ADAMTS9: variants seen among roughly 807,000 people sequenced by gnomAD.
The protein encoded by ADAMTS9 is ADAM metallopeptidase with thrombospondin type 1 motif 9, also known as A disintegrin and metalloproteinase with thrombospondin motifs 9.
In ADAMTS9, 107 loss-of-function variants were observed where a neutral mutation model predicts 257.1. The observed-to-expected ratio is 0.42, with a 90% confidence interval of 0.36 to 0.49. The LOEUF (loss-of-function observed/expected upper bound fraction) is 0.49. ADAMTS9 is among the 20% of genes least tolerant of loss of function. The pLI, the probability that ADAMTS9 is intolerant of heterozygous loss-of-function variation, is 0.03. For missense variants in ADAMTS9, 2,353 were observed against 2,469.1 expected (o/e 0.95, Z 1.00); for synonymous variants, 982 against 880.9 (o/e 1.11, Z -2.03).
At chr3:64,597,249 AT>A (rs2084383998) in intron 26 of ADAMTS9, among the ~76,000 whole-genome samples, 1 of 152,112 alleles carries the variant, frequency 6.6e-6, no homozygotes, top group African/African-American at 2.4e-5. Flanking sequence ...GGTTCCATAA[AT>A]GCCTAATGTG....
chr3:64,594,714 T>A (rs2084330232), intron 27 of ADAMTS9, among the ~76,000 whole-genome samples: 1 of 152,226 alleles, frequency 6.6e-6, no homozygotes, highest in Admixed American at 6.5e-5. Flanking sequence ...TTGCCCCATC[T>A]TATATATGAA....
intron 28 of ADAMTS9, among the ~76,000 whole-genome samples, chr3:64,591,077 T>C (rs984051161): frequency 7.2e-5 from 11 of 152,194 alleles, no homozygotes; most frequent in Admixed American, 2.6e-4. Flanking sequence ...TCATAGGACA[T>C]ATGCATAGAC....
chr3:64,546,890 G>C lies in ADAMTS9; in HGVS notation c.4932C>G (p.Thr1644=), dbSNP rs754539373. 2 of 1,613,888 alleles carry C rather than the reference G, an allele frequency of 1.2e-6. No individual in the cohort carries two copies. Among genetic ancestry groups the C allele is most frequent in the Non-Finnish European group, 1.7e-6 (2 of 1,179,988 alleles). The change falls in exon 32 of 40, where the codon ACC becomes ACG. Residue 1644 remains threonine, a synonymous_variant. Coordinates refer to ENST00000498707, the MANE Select transcript of ADAMTS9 (RefSeq NM_182920.2). ...AGCTGTATTCATAATTCTCCTTCCC[G>C]GTGTAAATCTCGCTGCACGAGACAA... ...QRLVSCSEIY[T]GKENYEYSYQ... is the part of the protein sequence containing the mutation.
At chr3:64,658,918 G>T in intron 3 of ADAMTS9, 127 bp from the exon 4 acceptor site, 1 of 952,644 alleles carries the variant, frequency 1.0e-6, no homozygotes, top group Non-Finnish European at 1.6e-6. Context: ...GTCCTCCATG[G>T]ACTCTACAGA....
intron 28 of ADAMTS9, among the ~76,000 whole-genome samples, chr3:64,579,195 A>T (rs1034596882): frequency 2.6e-5 from 4 of 152,036 alleles, no homozygotes; most frequent in African/African-American, 9.7e-5. Context: ...CCTCTGTTCT[A>T]GCCACATTAG....
chr3:64,685,528 C>T (rs143249803), intron 2 of ADAMTS9, among the ~76,000 whole-genome samples: 1 of 152,348 alleles, frequency 6.6e-6, no homozygotes, highest in Non-Finnish European at 1.5e-5. Flanking sequence ...TTGGGAAAGT[C>T]AAGGACCACC....
intron 31 of ADAMTS9, among the ~76,000 whole-genome samples, chr3:64,548,913 C>G (rs971156673): frequency 1.3e-5 from 2 of 152,240 alleles, no homozygotes; most frequent in African/African-American, 2.4e-5. Context: ...GAGCTGTACA[C>G]TTCAGGCCCT....
intron 26 of ADAMTS9, among the ~76,000 whole-genome samples, chr3:64,597,427 C>T (rs950793082): frequency 1.3e-5 from 2 of 152,144 alleles, no homozygotes; most frequent in Non-Finnish European, 2.9e-5. Flanking sequence ...AATTACATGC[C>T]TAATGAATTG....
chr3:64,541,758 TA>T, intron 33 of ADAMTS9, 79 bp downstream of exon 33: 1 of 1,586,526 alleles, frequency 6.3e-7, no homozygotes. Context: ...TCTATATTTC[TA>T]AAAAGGGCAG....
chr3:64,610,738 T>C (rs1457239563), intron 22 of ADAMTS9, among the ~76,000 whole-genome samples: 1 of 152,080 alleles, frequency 6.6e-6, no homozygotes, highest in Non-Finnish European at 1.5e-5. Flanking sequence ...ATAATAAAAA[T>C]GCAAAATTAT....
rs1308845275 is a variant in ADAMTS9, at chr3:64,687,747, G to T, written c.-90C>A. ...GGCGACGCGAGGCAGCGGCCGTGGA[G>T]AGCGCGCGGAGCCCGGCGCCCGCCG... is the stretch of plus-strand genomic sequence containing the variant. On this transcript the variant is annotated 5_prime_UTR_variant, in exon 1 of 40. Coordinates refer to ENST00000498707, the MANE Select transcript of ADAMTS9 (RefSeq NM_182920.2). The surrounding 1 kb of genome is among the most constrained non-coding windows in gnomAD (Gnocchi z 4.4). The T allele has an allele frequency of 4.8e-6, 5 of 1,038,098 alleles. No homozygotes were observed. Among genetic ancestry groups the T allele is most frequent in the South Asian group, 2.1e-5 (1 of 48,092 alleles). 64.3% of individuals were successfully genotyped at this position (1,038,098 alleles called of 1,614,324 possible). A position where few individuals can be genotyped will look rare whatever the true frequency, so the allele number is the denominator to read the frequency against.
intron 12 of ADAMTS9, 26 bp downstream of exon 12, chr3:64,641,822 T>C (rs1458017663): frequency 6.2e-7 from 1 of 1,610,706 alleles, no homozygotes; most frequent in Admixed American, 1.7e-5. Context: ...ACGGCAGTAA[T>C]AACAGTTATA....
intron 32 of ADAMTS9, among the ~76,000 whole-genome samples, chr3:64,543,985 G>A (rs910410043): frequency 1.3e-5 from 2 of 152,136 alleles, no homozygotes; most frequent in African/African-American, 4.8e-5. Flanking sequence ...CAGACAAACA[G>A]CCAAATCATG....
intron 6 of ADAMTS9, among the ~76,000 whole-genome samples, 153 bp downstream of exon 6, chr3:64,655,422 CT>C (rs1701042448): frequency 1.3e-5 from 2 of 152,170 alleles, no homozygotes; most frequent in African/African-American, 4.8e-5. Flanking sequence ...TGTTAAACAT[CT>C]TGCAATGCAC....
intron 14 of ADAMTS9, among the ~76,000 whole-genome samples, 172 bp downstream of exon 14, chr3:64,633,300 G>C (rs566830837): frequency 2.0e-5 from 3 of 152,136 alleles, no homozygotes; most frequent in South Asian, 2.1e-4. Flanking sequence ...GGCACTACAC[G>C]CATCAGAAAA....
At chr3:64,626,476 C>T (rs896618898) in intron 16 of ADAMTS9, among the ~76,000 whole-genome samples, 2 of 151,936 alleles carry the variant, frequency 1.3e-5, no homozygotes, top group Non-Finnish European at 1.5e-5. Context: ...CTGCATGAGC[C>T]CTTGAGCAAA....
intron 37 of ADAMTS9, among the ~76,000 whole-genome samples, chr3:64,535,406 G>A (rs2083036679): frequency 6.6e-6 from 1 of 151,960 alleles, no homozygotes; most frequent in African/African-American, 2.4e-5. Flanking sequence ...ACATTTTTAT[G>A]ACAATATGCT....
chr3:64,675,381 TG>T (rs1206104325), intron 3 of ADAMTS9, among the ~76,000 whole-genome samples: 1 of 152,122 alleles, frequency 6.6e-6, no homozygotes, highest in Non-Finnish European at 1.5e-5. Context: ...GCTCCAAAAA[TG>T]AAGTTAAAAA....
At chr3:64,538,105 T>A (rs1323617614) in intron 37 of ADAMTS9, among the ~76,000 whole-genome samples, 1 of 152,184 alleles carries the variant, frequency 6.6e-6, no homozygotes, top group African/African-American at 2.4e-5. Flanking sequence ...GGGTAACAGG[T>A]TGAGTCAATG....
Sources: allele counts gnomAD v4.1 joint callset (sites outside exome capture counted in the v4.1 genomes callset), GRCh38; gene constraint gnomAD v4.1.1; non-coding constraint Gnocchi (gnomAD v3.1); transcripts MANE v1.5; gene names NCBI Gene and HGNC (gene_info 2026-07-23, HGNC 2026-07-21).